The following ARL5A variants were observed in gnomAD, a reference collection of about 807,000 sequenced individuals.
ARL5A encodes ADP-ribosylation factor-like protein 5A.
A neutral mutation model predicts 25.9 loss-of-function variants in ARL5A; 18 were observed. That is an observed-to-expected ratio of 0.69 (90% CI 0.48 to 1.03). The LOEUF (loss-of-function observed/expected upper bound fraction) is 1.03, where lower values mean the gene tolerates loss of function less well. ARL5A is among the 50% of genes least tolerant of loss of function. The pLI, the probability that ARL5A is intolerant of heterozygous loss-of-function variation, is 0.00. For synonymous variants in ARL5A, 61 were observed against 67.5 expected (o/e 0.90, Z 0.47); for missense variants, 170 against 211.9 (o/e 0.80, Z 1.23).
At chr2:151,816,484 A>C (rs907984906) in intron 1 of ARL5A, among the ~76,000 whole-genome samples, 4 of 152,244 alleles carry the variant, frequency 2.6e-5, no homozygotes, top group Non-Finnish European at 4.4e-5. Context: ...ATAAAATTAA[A>C]GAATAGCTTA....
At chr2:151,807,286 T>G (rs2099830215) in intron 4 of ARL5A, among the ~76,000 whole-genome samples, 1 of 152,196 alleles carries the variant, frequency 6.6e-6, no homozygotes, top group African/African-American at 2.4e-5. Flanking sequence ...AGCCTAATAC[T>G]TGAGAGCTCT....
At chr2:151,810,685 CTA>C in intron 4 of ARL5A, 1 of 278,182 alleles carries the variant, frequency 3.6e-6, no homozygotes, top group South Asian at 3.2e-5. Flanking sequence ...GTTAAGTGAC[CTA>C]TGTAAGTTAA....
intron 5 of ARL5A, among the ~76,000 whole-genome samples, chr2:151,804,760 G>A (rs1310718372): frequency 6.6e-6 from 1 of 152,136 alleles, no homozygotes; most frequent in African/African-American, 2.4e-5. Context: ...AGGAAACCCA[G>A]GGTTGGCAAT....
chr2:151,819,457 C>T (rs2099831957), intron 1 of ARL5A, among the ~76,000 whole-genome samples: 1 of 151,894 alleles, frequency 6.6e-6, no homozygotes, highest in African/African-American at 2.4e-5. Flanking sequence ...AAAATGAGTG[C>T]CATTTTTTTT....
chr2:151,825,840 C>A (rs963186212), intron 1 of ARL5A, among the ~76,000 whole-genome samples: 2 of 150,114 alleles, frequency 1.3e-5, no homozygotes, highest in Non-Finnish European at 1.5e-5. Context: ...AAAAAAACAA[C>A]CCTGCTGGGC....
chr2:151,815,561 C>T (rs2099831394), intron 1 of ARL5A, among the ~76,000 whole-genome samples: 1 of 152,184 alleles, frequency 6.6e-6, no homozygotes, highest in Non-Finnish European at 1.5e-5. Context: ...TGGATTACAT[C>T]AATGAGGTTC....
At position 151,800,295 on chromosome 2, in the gene ARL5A, T is replaced by C. The variant is rs1039213007; in HGVS notation, c.*2981A>G. ...AGAGGGAACAATAGAGTCCTATTTCTAGGCATCTTAATACTATATGCTGAG... is the reference window on the plus strand; with the variant it reads ...AGAGGGAACAATAGAGTCCTATTTCCAGGCATCTTAATACTATATGCTGAG... On this transcript the variant is annotated 3_prime_UTR_variant, in exon 6 of 6. Coordinates refer to ENST00000295087, the MANE Select transcript of ARL5A (RefSeq NM_012097.4). The C allele has an allele frequency of 4.6e-5, 7 of 152,206 alleles. No individual in the cohort carries two copies. Among genetic ancestry groups the C allele is most frequent in the African/African-American group, 1.7e-4 (7 of 41,452 alleles). The allele number at this position is 152,206 out of a possible 1,614,324, so 9.4% of individuals were successfully genotyped here. A position where few individuals can be genotyped will look rare whatever the true frequency, so the allele number is the denominator to read the frequency against.
chr2:151,822,852 G>C (rs2099832530), intron 1 of ARL5A, among the ~76,000 whole-genome samples: 1 of 152,154 alleles, frequency 6.6e-6, no homozygotes, highest in South Asian at 2.1e-4. Context: ...TTACTGTTTT[G>C]TCATGAAAAT....
At chr2:151,820,675 A>AAAAC (rs2099832173) in intron 1 of ARL5A, among the ~76,000 whole-genome samples, 1 of 150,772 alleles carries the variant, frequency 6.6e-6, no homozygotes, top group African/African-American at 2.4e-5. Context: ...AAAAAAAAAA[A>AAAAC]AAAAAAAAAA....
Position 151,815,167 on chromosome 2 carries a change from C to G in ARL5A, c.79G>C (p.Ala27Pro), listed in dbSNP as rs1286810408. 1.2e-6 allele frequency: 2 copies of G among 1,607,416 alleles called. No homozygotes were observed. The highest frequency in any genetic ancestry group is 1.7e-6 in the Non-Finnish European group (2 of 1,177,216). ...TGGTAAAGAATGGTAGTTTTCCCTG[C>G]ATTATCCAGCCCAACAATGATAACT... ...HKVIIVGLDN[A>P]GKTTILYQFS... Residue 27 changes from alanine (A) to proline (P), a missense_variant, in exon 2 of 6, where the codon GCA becomes CCA. Transcript: ENST00000295087.
intron 1 of ARL5A, among the ~76,000 whole-genome samples, chr2:151,819,884 T>C (rs1396125946): frequency 6.6e-6 from 1 of 152,052 alleles, no homozygotes; most frequent in Non-Finnish European, 1.5e-5. Flanking sequence ...TGAAACCCCA[T>C]CTCTACTAAA....
At chr2:151,820,289 ATCTT>A (rs1216794104) in intron 1 of ARL5A, among the ~76,000 whole-genome samples, 6 of 152,324 alleles carry the variant, frequency 3.9e-5, no homozygotes, top group African/African-American at 1.2e-4. Flanking sequence ...ACTGCTTTAA[ATCTT>A]TCTTTAACAG....
chr2:151,823,473 T>A (rs1427770930), intron 1 of ARL5A, among the ~76,000 whole-genome samples: 2 of 151,072 alleles, frequency 1.3e-5, no homozygotes, highest in African/African-American at 2.4e-5. Context: ...AAATTAGAGA[T>A]CCAATCAGGA....
chr2:151,817,029 T>C (rs2099831612), intron 1 of ARL5A, among the ~76,000 whole-genome samples: 1 of 152,244 alleles, frequency 6.6e-6, no homozygotes, highest in Non-Finnish European at 1.5e-5. Flanking sequence ...ACAAGTTTAT[T>C]GGCACATAAC....
intron 1 of ARL5A, among the ~76,000 whole-genome samples, chr2:151,819,015 C>A (rs2099831888): frequency 6.6e-6 from 1 of 152,112 alleles, no homozygotes; most frequent in African/African-American, 2.4e-5. Context: ...TACAATTACT[C>A]TGACCAATGA....
chr2:151,812,546 T>A lies in ARL5A; in HGVS notation c.256-106A>T, dbSNP rs2099830971. On this transcript the variant is annotated intron_variant, in intron 3 of 5. Coordinates refer to ENST00000295087, the MANE Select transcript of ARL5A (RefSeq NM_012097.4). ...GGCTATTAATATCAAGAAATTGGAA[T>A]CTTATGGTATTGTTGGAAAATCAGA... 4.5e-6 allele frequency: 3 copies of A among 673,784 alleles called. No homozygotes were observed. The South Asian group carries it at 9.1e-5, about 21-fold the overall frequency. 41.7% of individuals were successfully genotyped at this position (673,784 alleles called of 1,614,324 possible).
intron 1 of ARL5A, among the ~76,000 whole-genome samples, chr2:151,818,452 T>G (rs1339904128): frequency 2.6e-5 from 4 of 152,142 alleles, no homozygotes; most frequent in African/African-American, 9.7e-5. Flanking sequence ...ATATTTTGTT[T>G]CTTTTGTAGA....
In ARL5A at chr2:151,828,190, A is replaced by ACC. The variant is rs60330979; in HGVS notation, c.-16_-15dup. On this transcript the variant is annotated 5_prime_UTR_variant, in exon 1 of 6. Coordinates refer to ENST00000295087, the MANE Select transcript of ARL5A (RefSeq NM_012097.4). Reference sequence around the variant, plus strand: ...GAGAATTCCCATTCTCGGGCAGCGGACCCCCCCCCTCCAGACACCCGGGCC... The same window carrying ACC: ...GAGAATTCCCATTCTCGGGCAGCGGACCCCCCCCCCCTCCAGACACCCGGGCC... 0.024 allele frequency: 35,333 copies of ACC among 1,455,006 alleles called. 135 individuals are homozygous for ACC. The highest frequency in any genetic ancestry group is 0.12 in the Admixed American group (6,585 of 54,774). The allele number at this position is 1,455,006 out of a possible 1,614,324, so 90.1% of individuals were successfully genotyped here.
intron 5 of ARL5A, among the ~76,000 whole-genome samples, chr2:151,805,722 C>T (rs1235580707): frequency 6.6e-6 from 1 of 152,030 alleles, no homozygotes; most frequent in Non-Finnish European, 1.5e-5. Context: ...AACTTTTGTA[C>T]TGAAACATAT....
Sources: allele counts gnomAD v4.1 joint callset (sites outside exome capture counted in the v4.1 genomes callset), GRCh38; gene constraint gnomAD v4.1.1; transcripts MANE v1.5; gene names NCBI Gene and HGNC (gene_info 2026-07-23, HGNC 2026-07-21).